The following AGBL4 variants were observed in gnomAD, a reference collection of about 807,000 sequenced individuals.
AGBL4 encodes the protein cytosolic carboxypeptidase 6.
Under a neutral mutation model 66.4 loss-of-function variants are expected in AGBL4, and 58 were observed. The observed-to-expected ratio is 0.87, with a 90% confidence interval of 0.71 to 1.09. The LOEUF (loss-of-function observed/expected upper bound fraction) is 1.09, where lower values mean the gene tolerates loss of function less well. Ranked by LOEUF, AGBL4 falls within the 50% of genes least tolerant of loss-of-function variation. The probability of loss-of-function intolerance (pLI) is 0.00; values close to 1 mark genes in which losing one functional copy is unlikely to be tolerated. For missense variants in AGBL4, 579 were observed against 631.0 expected (o/e 0.92, Z 0.88); for synonymous variants, 234 against 222.9 (o/e 1.05, Z -0.44).
At chr1:48,737,729 TAAAAAAG>T (rs1189207916) in intron 6 of AGBL4, among the ~76,000 whole-genome samples, 1 of 151,894 alleles carries the variant, frequency 6.6e-6, no homozygotes. Context: ...TTAGTAAATC[TAAAAAAG>T]AAAAAAGAGT....
intron 4 of AGBL4, among the ~76,000 whole-genome samples, chr1:49,240,126 A>G (rs1651103823): frequency 6.6e-6 from 1 of 151,928 alleles, no homozygotes; most frequent in Admixed American, 6.6e-5. Flanking sequence ...AAATTTTGAC[A>G]GGAGCGAGGC....
chr1:49,787,446 C>T (rs922042919), intron 2 of AGBL4, among the ~76,000 whole-genome samples: 1 of 148,646 alleles, frequency 6.7e-6, no homozygotes, highest in Non-Finnish European at 1.5e-5. Context: ...GAGCTTGCAG[C>T]GAGCCGAGAT....
At chr1:49,372,817 G>A (rs941008654) in intron 3 of AGBL4, among the ~76,000 whole-genome samples, 7 of 150,654 alleles carry the variant, frequency 4.6e-5, no homozygotes, top group Non-Finnish European at 2.9e-5. Flanking sequence ...GGAGTGCAGT[G>A]GCATAATCTT....
intron 11 of AGBL4, among the ~76,000 whole-genome samples, chr1:48,557,126 T>A (rs891730938): frequency 6.6e-6 from 1 of 152,160 alleles, no homozygotes; most frequent in Non-Finnish European, 1.5e-5. Flanking sequence ...CCAAGTTCTG[T>A]GATTGCAACA....
chr1:49,275,734 C>G (rs1433827255), intron 3 of AGBL4, among the ~76,000 whole-genome samples: 1 of 152,018 alleles, frequency 6.6e-6, no homozygotes, highest in Non-Finnish European at 1.5e-5. Flanking sequence ...TAAATTCTTT[C>G]TTGACTACAA....
intron 4 of AGBL4, among the ~76,000 whole-genome samples, chr1:49,108,458 A>G (rs1645341197): frequency 1.3e-5 from 2 of 152,206 alleles, no homozygotes; most frequent in African/African-American, 4.8e-5. Context: ...TCTCTGTTTA[A>G]TGAGAGCACA....
intron 3 of AGBL4, among the ~76,000 whole-genome samples, chr1:49,386,936 G>A (rs1287900695): frequency 4.0e-5 from 6 of 151,858 alleles, no homozygotes; most frequent in Non-Finnish European, 5.9e-5. Flanking sequence ...TCTATCTCAT[G>A]AGAATTAAAT....
At chr1:49,642,298 A>G (rs1645797515) in intron 3 of AGBL4, among the ~76,000 whole-genome samples, 1 of 152,016 alleles carries the variant, frequency 6.6e-6, no homozygotes, top group African/African-American at 2.4e-5. Flanking sequence ...AAGGTAGGCA[A>G]CAAAGGATGA....
At chr1:49,096,296 C>A (rs1645100669) in intron 4 of AGBL4, among the ~76,000 whole-genome samples, 1 of 152,122 alleles carries the variant, frequency 6.6e-6, no homozygotes, top group South Asian at 2.1e-4. Context: ...CCTCAGGGAT[C>A]TAGAACTAGA....
At chr1:49,939,984 T>C (rs1401154081) in intron 1 of AGBL4, among the ~76,000 whole-genome samples, 1 of 151,942 alleles carries the variant, frequency 6.6e-6, no homozygotes, top group African/African-American at 2.4e-5. Flanking sequence ...GAATCTACAA[T>C]GAACTCAAAC....
At chr1:48,914,421 T>C (rs1032871280) in intron 5 of AGBL4, among the ~76,000 whole-genome samples, 1 of 152,236 alleles carries the variant, frequency 6.6e-6, no homozygotes, top group South Asian at 2.1e-4. Flanking sequence ...GAGGAATTAG[T>C]GTGAAATGAG....
In AGBL4 at chr1:49,626,354, T is replaced by G. The variant is rs538758588; in HGVS notation, c.282+70959A>C. 2.8e-3 allele frequency among the ~76,000 whole-genome samples: 433 copies of G among 152,256 alleles called. 3 individuals are homozygous for G. The highest frequency in any genetic ancestry group is 9.9e-3 in the African/African-American group (412 of 41,558). ...TCCTTACATCTGGATTGCTGTGTAGTGGGTCCCCTCATGAAATGCTTTTTT... is the reference window on the plus strand; with the variant it reads ...TCCTTACATCTGGATTGCTGTGTAGGGGGTCCCCTCATGAAATGCTTTTTT... On this transcript the variant is annotated intron_variant, in intron 3 of 13. Transcript: ENST00000371839.
chr1:49,919,816 T>A (rs1417107506), intron 1 of AGBL4, among the ~76,000 whole-genome samples: 2 of 152,170 alleles, frequency 1.3e-5, no homozygotes, highest in African/African-American at 2.4e-5. Context: ...GCTGGAGGCA[T>A]CACGCTACCT....
chr1:48,640,138 G>A (rs575910102), intron 8 of AGBL4, among the ~76,000 whole-genome samples: 19 of 152,222 alleles, frequency 1.2e-4, no homozygotes, highest in Non-Finnish European at 1.8e-4. Context: ...AGAAAGAATG[G>A]GGCTATTTAT....
At chr1:48,718,789 G>T (rs182930446) in intron 6 of AGBL4, among the ~76,000 whole-genome samples, 1 of 152,240 alleles carries the variant, frequency 6.6e-6, no homozygotes, top group East Asian at 1.9e-4. Context: ...TATAACTGAG[G>T]CTCATAGGAA....
In AGBL4 at chr1:49,486,081, G is replaced by C. The variant is rs1488886630; in HGVS notation, c.282+211232C>G. 2.0e-5 allele frequency among the ~76,000 whole-genome samples: 3 copies of C among 152,022 alleles called. No homozygotes were observed. The East Asian group carries it at 5.8e-4, about 30-fold the overall frequency. On this transcript the variant is annotated intron_variant, in intron 3 of 13. Transcript: ENST00000371839. ...ATGCTCAAAGCTGACAATTGCTTTG[G>C]AAGGAGTCTGTGGAGTGAGTCCCAC...
At chr1:49,927,802 A>G (rs1393904333) in intron 1 of AGBL4, among the ~76,000 whole-genome samples, 1 of 152,238 alleles carries the variant, frequency 6.6e-6, no homozygotes, top group Non-Finnish European at 1.5e-5. Flanking sequence ...TTAAAAGTCA[A>G]AACATCTAGC....
intron 13 of AGBL4, 126 bp from the exon 14 acceptor site, chr1:48,534,419 T>C: frequency 7.6e-7 from 1 of 1,313,800 alleles, no homozygotes; most frequent in Non-Finnish European, 1.0e-6. Flanking sequence ...CCTAGTCTTC[T>C]TCCCACAGAC....
At chr1:48,764,517 T>C (rs1465189582) in intron 6 of AGBL4, among the ~76,000 whole-genome samples, 1 of 152,126 alleles carries the variant, frequency 6.6e-6, no homozygotes, top group African/African-American at 2.4e-5. Context: ...AAAATGGTTA[T>C]GAAAGATGGT....
Sources: allele counts gnomAD v4.1 joint callset (sites outside exome capture counted in the v4.1 genomes callset), GRCh38; gene constraint gnomAD v4.1.1; transcripts MANE v1.5; gene names NCBI Gene and HGNC (gene_info 2026-07-23, HGNC 2026-07-21).